DOCK9: variants seen among roughly 807,000 people sequenced by gnomAD.
The protein encoded by DOCK9 is dedicator of cytokinesis protein 9.
Under a neutral mutation model 263.3 loss-of-function variants are expected in DOCK9, and 89 were observed. The ratio of observed to expected loss-of-function variants is 0.34; its 90% CI spans 0.28 to 0.40. The LOEUF is 0.40. Among genes scored for constraint, DOCK9 ranks in the 10% least tolerant of loss-of-function variants. DOCK9 has a pLI of 1.00. For missense variants in DOCK9, 2,140 were observed against 2,603.4 expected (o/e 0.82, Z 3.87); for synonymous variants, 976 against 973.1 (o/e 1.00, Z -0.06).
intron 1 of DOCK9, among the ~76,000 whole-genome samples, chr13:99,004,225 G>A (rs1343941089): frequency 6.6e-6 from 1 of 152,210 alleles, no homozygotes; most frequent in Non-Finnish European, 1.5e-5. Flanking sequence ...TGAGAGCAGA[G>A]ATTATGACTC....
chr13:98,833,394 T>C (rs946553333), intron 39 of DOCK9, among the ~76,000 whole-genome samples: 2 of 152,318 alleles, frequency 1.3e-5, no homozygotes, highest in African/African-American at 4.8e-5. Flanking sequence ...CACTCTTTGC[T>C]GAGGCTATCC....
At chr13:98,903,171 T>G in intron 10 of DOCK9, 59 bp from the exon 11 acceptor site, 4 of 1,297,644 alleles carry the variant, frequency 3.1e-6, no homozygotes, top group Non-Finnish European at 4.1e-6. Flanking sequence ...AAAAACATCA[T>G]AAATGCATCC....
At chr13:98,854,343 A>G (rs2093648544) in intron 34 of DOCK9, among the ~76,000 whole-genome samples, 1 of 152,090 alleles carries the variant, frequency 6.6e-6, no homozygotes, top group Admixed American at 6.5e-5. Flanking sequence ...CAAAGCAAAA[A>G]CAATAGTGGA....
At chr13:99,057,046 C>A (rs1168324338) in intron 1 of DOCK9, among the ~76,000 whole-genome samples, 1 of 152,108 alleles carries the variant, frequency 6.6e-6, no homozygotes, top group African/African-American at 2.4e-5. Context: ...AGACTAGAAG[C>A]AAAGAAAGTC....
chr13:98,886,393 A>G (rs1314665762), intron 19 of DOCK9, 139 bp downstream of exon 19: 1 of 561,676 alleles, frequency 1.8e-6, no homozygotes, highest in Non-Finnish European at 3.1e-6. Flanking sequence ...ATATAAAAGA[A>G]ATACTTCAAC....
chr13:99,081,374 A>T (rs1471958327), intron 1 of DOCK9, among the ~76,000 whole-genome samples: 2 of 152,186 alleles, frequency 1.3e-5, no homozygotes, highest in African/African-American at 4.8e-5. Context: ...CTTCAGTAAT[A>T]CCAAGCGAAA....
chr13:98,806,493 C>A (rs200813722), intron 48 of DOCK9, among the ~76,000 whole-genome samples: 2 of 152,272 alleles, frequency 1.3e-5, no homozygotes, highest in East Asian at 3.9e-4. Flanking sequence ...GGAGACCATA[C>A]TGGTATAAGG....
At chr13:98,832,750 G>A (rs1463243671) in intron 39 of DOCK9, among the ~76,000 whole-genome samples, 1 of 152,210 alleles carries the variant, frequency 6.6e-6, no homozygotes, top group Non-Finnish European at 1.5e-5. Flanking sequence ...ACAAAGCTCT[G>A]TTGGGGAACG....
intron 1 of DOCK9, among the ~76,000 whole-genome samples, chr13:99,037,638 C>T (rs964791426): frequency 6.6e-6 from 1 of 152,184 alleles, no homozygotes; most frequent in Non-Finnish European, 1.5e-5. Flanking sequence ...GAAATTAAAA[C>T]ACATATCCAT....
intron 1 of DOCK9, among the ~76,000 whole-genome samples, chr13:98,974,177 T>G (rs1327856959): frequency 2.0e-5 from 3 of 151,848 alleles, no homozygotes; most frequent in African/African-American, 7.3e-5. Flanking sequence ...GGGTGGCGGG[T>G]AGGGGGTAAA....
intron 2 of DOCK9, among the ~76,000 whole-genome samples, chr13:98,939,640 A>G (rs940123465): frequency 6.6e-6 from 1 of 152,230 alleles, no homozygotes; most frequent in Non-Finnish European, 1.5e-5. Context: ...ACCTGGATGC[A>G]GCCAAAAAGC....
intron 21 of DOCK9, 122 bp from the exon 22 acceptor site, chr13:98,884,021 G>A (rs7320272): frequency 0.99 from 658,955 of 666,324 alleles, 326,205 homozygotes; most frequent in East Asian, 1. Flanking sequence ...GTGACTTGGC[G>A]ACTGTGCCGG....
At chr13:98,802,825 G>A (rs1212206317) in intron 49 of DOCK9, among the ~76,000 whole-genome samples, 2 of 152,190 alleles carry the variant, frequency 1.3e-5, no homozygotes, top group Admixed American at 6.5e-5. Flanking sequence ...AGAAGAACCT[G>A]AGGGGTTGAT....
chr13:98,955,444 A>T lies in DOCK9; in HGVS notation c.234T>A (p.Asp78Glu). The T allele has an allele frequency of 6.3e-7, 1 of 1,583,160 alleles. No individual in the cohort carries two copies. Among genetic ancestry groups the T allele is most frequent in the Non-Finnish European group, 8.6e-7 (1 of 1,162,422 alleles). The change falls in exon 2 of 53, where the codon GAT becomes GAA. Residue 78 changes from aspartate (D) to glutamate (E), a missense_variant. Physicochemically the swap from Asp to Glu is conservative, Grantham distance 45. Transcript: ENST00000682017. The stretch of plus-strand genomic sequence containing the variant: ...ACATAACGTTACTTACCTGAAAGTC[A>T]TCGTAAGGGAAGAGCAGCATCTCCC... Reference protein sequence around the residue: ...CLREMLLFPYDDFQTAILRRQ... With the variant: ...CLREMLLFPYEDFQTAILRRQ...
intron 38 of DOCK9, among the ~76,000 whole-genome samples, chr13:98,841,677 A>G (rs1488634576): frequency 2.0e-5 from 3 of 147,500 alleles, no homozygotes; most frequent in Non-Finnish European, 4.4e-5. Context: ...GCTGGAGTGC[A>G]GCGGCATGAT....
chr13:98,935,589 T>C (rs753384789), intron 2 of DOCK9, among the ~76,000 whole-genome samples: 4 of 152,066 alleles, frequency 2.6e-5, no homozygotes, highest in Non-Finnish European at 4.4e-5. Context: ...GCCAACATGG[T>C]GAAACCCCAT....
At chr13:98,917,798 A>G (rs2051148055) in intron 7 of DOCK9, among the ~76,000 whole-genome samples, 1 of 152,100 alleles carries the variant, frequency 6.6e-6, no homozygotes, top group Non-Finnish European at 1.5e-5. Flanking sequence ...CCAAAGTTTA[A>G]CTCAAATTCT....
intron 35 of DOCK9, among the ~76,000 whole-genome samples, chr13:98,851,053 C>T (rs996447554): frequency 6.6e-6 from 1 of 152,156 alleles, no homozygotes; most frequent in Non-Finnish European, 1.5e-5. Flanking sequence ...CAATGATAGG[C>T]AGGAATGACA....
intron 35 of DOCK9, among the ~76,000 whole-genome samples, chr13:98,852,826 T>C (rs186355959): frequency 1.9e-4 from 29 of 152,382 alleles, no homozygotes; most frequent in African/African-American, 6.7e-4. Context: ...AGAGCATTCA[T>C]AGTTCTGCTC....
Sources: allele counts gnomAD v4.1 joint callset (sites outside exome capture counted in the v4.1 genomes callset), GRCh38; gene constraint gnomAD v4.1.1; transcripts MANE v1.5; gene names NCBI Gene and HGNC (gene_info 2026-07-23, HGNC 2026-07-21).